The following HS3ST4 variants were observed in gnomAD, a reference collection of about 807,000 sequenced individuals.
The protein encoded by HS3ST4 is heparan sulfate glucosamine 3-O-sulfotransferase 4.
Under a neutral mutation model 29.2 loss-of-function variants are expected in HS3ST4, and 17 were observed. The observed-to-expected ratio is 0.58, with a 90% CI of 0.40 to 0.87. The LOEUF (loss-of-function observed/expected upper bound fraction) is 0.87. Ranked by LOEUF, HS3ST4 falls within the 40% of genes least tolerant of loss-of-function variation. The pLI is 0.00. For missense variants in HS3ST4, 627 were observed against 634.5 expected, an observed-to-expected ratio of 0.99 and a Z score of 0.13; for synonymous variants, 314 against 285.7, an observed-to-expected ratio of 1.10 and a Z score of -1.00.
At chr16:25,830,984 C>G (rs117810561) in intron 1 of HS3ST4, among the ~76,000 whole-genome samples, 2,737 of 152,314 alleles carry the variant, frequency 0.018, 42 homozygotes, top group Non-Finnish European at 0.028. Flanking sequence ...TCTAGCCAAC[C>G]TGGCCTCACA....
intron 1 of HS3ST4, among the ~76,000 whole-genome samples, chr16:26,025,837 G>A (rs1425321011): frequency 6.6e-6 from 1 of 152,200 alleles, no homozygotes; most frequent in African/African-American, 2.4e-5. Flanking sequence ...GTGCAGTGGT[G>A]TGATCTTGGC....
At chr16:25,920,269 G>A (rs1451505922) in intron 1 of HS3ST4, among the ~76,000 whole-genome samples, 1 of 152,046 alleles carries the variant, frequency 6.6e-6, no homozygotes, top group Non-Finnish European at 1.5e-5. Context: ...TCAATAGATC[G>A]ATCCCTTACA....
At chr16:25,887,691 ATTTTTT>A (rs768447504) in intron 1 of HS3ST4, among the ~76,000 whole-genome samples, 1 of 91,500 alleles carries the variant, frequency 1.1e-5, no homozygotes, top group Non-Finnish European at 2.1e-5. Flanking sequence ...GCTACACCTG[ATTTTTT>A]TTTTTTTTTT....
intron 1 of HS3ST4, among the ~76,000 whole-genome samples, chr16:25,713,854 G>C (rs967866006): frequency 6.6e-6 from 1 of 152,178 alleles, no homozygotes; most frequent in Non-Finnish European, 1.5e-5. Flanking sequence ...TTGCAAATAT[G>C]GGTCTAAGGG....
chr16:25,706,530 C>G (rs985283023), intron 1 of HS3ST4, among the ~76,000 whole-genome samples: 1 of 152,110 alleles, frequency 6.6e-6, no homozygotes, highest in African/African-American at 2.4e-5. Context: ...TCTCCGTCCC[C>G]TAGCTCCCCA....
At chr16:25,702,275 A>C (rs1194265275) in intron 1 of HS3ST4, among the ~76,000 whole-genome samples, 1 of 152,232 alleles carries the variant, frequency 6.6e-6, no homozygotes, top group African/African-American at 2.4e-5. Context: ...AGAATTCATT[A>C]AGGTGGCTGG....
chr16:25,931,427 A>T (rs1021358610), intron 1 of HS3ST4, among the ~76,000 whole-genome samples: 7 of 152,226 alleles, frequency 4.6e-5, no homozygotes, highest in Non-Finnish European at 7.3e-5. Context: ...CTTTGCAGGA[A>T]CAAGGCCTAA....
chr16:26,081,700 G>A lies in HS3ST4; in HGVS notation c.735-53912G>A, dbSNP rs180903490. Among the ~76,000 whole-genome samples the A allele has an allele frequency of 2.4e-3, 367 of 151,490 alleles. 2 individuals are homozygous for A. Among genetic ancestry groups the A allele is most frequent in the African/African-American group, 8.7e-3 (360 of 41,320 alleles). ...ATGTTTTAGTTAGAGGAAATAGGGT[G>A]TATCAAGACCTGGAGGCCAGGAAGA... On this transcript the variant is annotated intron_variant, in intron 1 of 1. Transcript: ENST00000331351.
At chr16:26,043,265 C>A (rs375156817) in intron 1 of HS3ST4, among the ~76,000 whole-genome samples, 107 of 152,310 alleles carry the variant, frequency 7.0e-4, no homozygotes, top group African/African-American at 2.5e-3. Context: ...ACAAATTCTA[C>A]AATCTATTTA....
intron 1 of HS3ST4, among the ~76,000 whole-genome samples, chr16:26,070,964 T>C (rs562422596): frequency 2.6e-5 from 4 of 152,218 alleles, no homozygotes; most frequent in African/African-American, 9.6e-5. Context: ...GGGGAGACAT[T>C]CTTCATTAAA....
intron 1 of HS3ST4, among the ~76,000 whole-genome samples, chr16:25,737,365 CA>C (rs1248307010): frequency 7.2e-4 from 12 of 16,708 alleles, no homozygotes; most frequent in African/African-American, 4.0e-3. Context: ...TGACCCCCCC[CA>C]CACACAAACA....
At chr16:26,011,515 G>C (rs533947452) in intron 1 of HS3ST4, among the ~76,000 whole-genome samples, 1 of 152,152 alleles carries the variant, frequency 6.6e-6, no homozygotes, top group Non-Finnish European at 1.5e-5. Flanking sequence ...AGCTGAGATC[G>C]TGCCACTGCA....
chr16:25,890,379 C>A (rs1967995898), intron 1 of HS3ST4, among the ~76,000 whole-genome samples: 1 of 152,164 alleles, frequency 6.6e-6, no homozygotes, highest in Non-Finnish European at 1.5e-5. Flanking sequence ...ATGACTTTAC[C>A]TTGTTAGGTC....
chr16:25,932,475 AT>A (rs985600533), intron 1 of HS3ST4, among the ~76,000 whole-genome samples: 1 of 151,904 alleles, frequency 6.6e-6, no homozygotes, highest in South Asian at 2.1e-4. Flanking sequence ...GGTAACTGCC[AT>A]TTTTTTTGCC....
intron 1 of HS3ST4, among the ~76,000 whole-genome samples, chr16:26,035,143 TAAG>T (rs1268552960): frequency 7.9e-5 from 12 of 152,194 alleles, no homozygotes; most frequent in Admixed American, 7.9e-4. Flanking sequence ...TCGGTTTAGG[TAAG>T]AACATGCCAT....
chr16:25,760,303 C>T (rs1364284241), intron 1 of HS3ST4, among the ~76,000 whole-genome samples: 1 of 152,278 alleles, frequency 6.6e-6, no homozygotes, highest in South Asian at 2.1e-4. Context: ...CCTTGGCTTG[C>T]AGATGATGCC....
At chr16:26,015,220 G>A (rs1295492066) in intron 1 of HS3ST4, among the ~76,000 whole-genome samples, 3 of 152,186 alleles carry the variant, frequency 2.0e-5, no homozygotes, top group Admixed American at 1.3e-4. Flanking sequence ...GAGCTCACAA[G>A]GTCACCGTCA....
intron 1 of HS3ST4, among the ~76,000 whole-genome samples, chr16:26,055,064 G>A (rs979770719): frequency 6.6e-6 from 1 of 151,724 alleles, no homozygotes; most frequent in Non-Finnish European, 1.5e-5. Context: ...ACCCAGCACC[G>A]CCAGATCACC....
At chr16:26,045,715 C>A (rs564184132) in intron 1 of HS3ST4, among the ~76,000 whole-genome samples, 3 of 152,160 alleles carry the variant, frequency 2.0e-5, no homozygotes, top group Non-Finnish European at 4.4e-5. Context: ...CTATTGTTCA[C>A]GAATTTTCCA....
Sources: gnomAD v4.1 joint callset for allele counts (sites outside exome capture counted in the v4.1 genomes callset) on GRCh38, gnomAD v4.1.1 for gene constraint, MANE v1.5 for transcripts, NCBI Gene and HGNC (gene_info 2026-07-23, HGNC 2026-07-21) for gene names.